Variants in NRG1 observed in about 807,000 individuals in gnomAD.
NRG1 encodes pro-neuregulin-1, membrane-bound isoform.
NRG1 carries 18 observed loss-of-function variants against 63.8 expected under a neutral mutation model. The observed-to-expected ratio is 0.28, with a 90% CI of 0.19 to 0.42. The LOEUF (loss-of-function observed/expected upper bound fraction) is 0.42, where lower values mean the gene tolerates loss of function less well. Ranked by LOEUF, NRG1 falls within the 10% of genes least tolerant of loss-of-function variation. NRG1 has a pLI of 1.00. For missense variants in NRG1, 762 were observed against 814.7 expected, an observed-to-expected ratio of 0.94 and a Z score of 0.79; for synonymous variants, 302 against 301.3, an observed-to-expected ratio of 1.00 and a Z score of -0.02.
intron 1 of NRG1, among the ~76,000 whole-genome samples, chr8:31,672,909 G>A (rs139138842): frequency 6.7e-6 from 1 of 148,422 alleles, no homozygotes; most frequent in Non-Finnish European, 1.5e-5. Context: ...ACATTCCTTT[G>A]TGTCATAAAT....
At chr8:32,523,248 C>T (rs182323415) in intron 1 of NRG1, among the ~76,000 whole-genome samples, 1 of 152,226 alleles carries the variant, frequency 6.6e-6, no homozygotes, top group East Asian at 1.9e-4. Flanking sequence ...TGTACTTCAA[C>T]CAAAACAACA....
Position 31,981,938 on chromosome 8 carries a change from A to G in NRG1, c.37+342507A>G, listed in dbSNP as rs185244904. 2.0e-4 allele frequency among the ~76,000 whole-genome samples: 31 copies of G among 152,152 alleles called. No homozygotes were observed. In the East Asian group the frequency reaches 5.6e-3, roughly 28 times the overall value. ...GATATTTAAATAATGTACAGGAGTC[A>G]TCTAATCAAAATGGTAGAGGTGGTG... On this transcript the variant is annotated intron_variant, in intron 1 of 10. Transcript: ENST00000519301.
chr8:31,752,005 G>A (rs1324096662), intron 1 of NRG1, among the ~76,000 whole-genome samples: 1 of 151,958 alleles, frequency 6.6e-6, no homozygotes, highest in Non-Finnish European at 1.5e-5. Flanking sequence ...TCATGTAAAA[G>A]AAATGTGAAA....
intron 1 of NRG1, among the ~76,000 whole-genome samples, chr8:31,912,431 C>T (rs1407920608): frequency 6.6e-6 from 1 of 151,876 alleles, no homozygotes; most frequent in African/African-American, 2.4e-5. Context: ...AGCAGCTGCT[C>T]TCAGGGTAAA....
intron 1 of NRG1, among the ~76,000 whole-genome samples, chr8:32,398,410 ATT>A (rs59321367): frequency 0.021 from 3,052 of 142,168 alleles, 68 homozygotes; most frequent in African/African-American, 0.057. Context: ...TTCCACCCAA[ATT>A]TTTTTTTTTT....
chr8:32,082,449 A>G (rs1827610702), intron 1 of NRG1, among the ~76,000 whole-genome samples: 1 of 151,970 alleles, frequency 6.6e-6, no homozygotes, highest in Non-Finnish European at 1.5e-5. Flanking sequence ...GCTCCCGCTT[A>G]TTAGTGAGAA....
At chr8:32,373,296 C>T (rs1402032865) in intron 1 of NRG1, among the ~76,000 whole-genome samples, 1 of 152,146 alleles carries the variant, frequency 6.6e-6, no homozygotes, top group Non-Finnish European at 1.5e-5. Context: ...ATTTTCACCT[C>T]CTGATTTTGA....
chr8:31,991,217 C>A (rs897843346), intron 1 of NRG1, among the ~76,000 whole-genome samples: 2 of 151,738 alleles, frequency 1.3e-5, no homozygotes, highest in Non-Finnish European at 2.9e-5. Flanking sequence ...AAACAAAGTC[C>A]CCCTCCTACC....
intron 1 of NRG1, among the ~76,000 whole-genome samples, chr8:32,021,353 T>G (rs985435714): frequency 3.3e-5 from 5 of 152,154 alleles, no homozygotes; most frequent in African/African-American, 9.6e-5. Flanking sequence ...CAGACATGTG[T>G]GAAGAGGGGA....
At chr8:32,079,148 TACACACAC>T (rs143380574) in intron 1 of NRG1, among the ~76,000 whole-genome samples, 53 of 145,856 alleles carry the variant, frequency 3.6e-4, no homozygotes, top group African/African-American at 6.6e-4. Flanking sequence ...TAGAATGAAA[TACACACAC>T]ACACACACAC....
At chr8:32,201,725 C>T (rs1314081162) in intron 1 of NRG1, among the ~76,000 whole-genome samples, 1 of 152,168 alleles carries the variant, frequency 6.6e-6, no homozygotes, top group African/African-American at 2.4e-5. Flanking sequence ...ATCCCCATTT[C>T]TCCTACTTTA....
chr8:31,822,489 G>A (rs541104768), intron 1 of NRG1, among the ~76,000 whole-genome samples: 1 of 152,236 alleles, frequency 6.6e-6, no homozygotes, highest in South Asian at 2.1e-4. Flanking sequence ...GGCCAAACCT[G>A]ATGCCTATAG....
At chr8:31,657,116 A>G (rs758625053) in intron 1 of NRG1, among the ~76,000 whole-genome samples, 8 of 152,224 alleles carry the variant, frequency 5.3e-5, no homozygotes, top group Non-Finnish European at 1.0e-4. Context: ...TATTATTTGC[A>G]TAGGGAATTT....
chr8:32,367,707 T>G (rs186508431), intron 1 of NRG1, among the ~76,000 whole-genome samples: 3 of 152,108 alleles, frequency 2.0e-5, no homozygotes, highest in Non-Finnish European at 4.4e-5. Flanking sequence ...TCTAGTTTTG[T>G]TTTTTGTTGC....
intron 1 of NRG1, among the ~76,000 whole-genome samples, chr8:32,234,579 A>G (rs2129469259): frequency 6.6e-6 from 1 of 152,322 alleles, no homozygotes; most frequent in East Asian, 1.9e-4. Flanking sequence ...ATTTAATTGA[A>G]CAAGATTTTG....
At chr8:32,541,124 G>A (rs1311662188) in intron 1 of NRG1, among the ~76,000 whole-genome samples, 2 of 152,228 alleles carry the variant, frequency 1.3e-5, no homozygotes, top group East Asian at 3.9e-4. Flanking sequence ...AGAAACTTGA[G>A]TTCTAGGCCC....
At chr8:32,555,503 A>G (rs4733131) in intron 1 of NRG1, among the ~76,000 whole-genome samples, 59,529 of 151,876 alleles carry the variant, frequency 0.39, 12,712 homozygotes, top group Admixed American at 0.49. Flanking sequence ...ACGGAGTCTC[A>G]CTGTGTCACC....
At chr8:31,978,507 G>C (rs1298607234) in intron 1 of NRG1, among the ~76,000 whole-genome samples, 1 of 151,986 alleles carries the variant, frequency 6.6e-6, no homozygotes. Flanking sequence ...CTATTTTCAT[G>C]TCTTTCTACT....
At chr8:32,655,677 A>G (rs543693968) in intron 5 of NRG1, among the ~76,000 whole-genome samples, 20 of 152,146 alleles carry the variant, frequency 1.3e-4, no homozygotes, top group Non-Finnish European at 2.5e-4. Context: ...TTTCCCTTAT[A>G]CAAATTGGTT....
Sources: gnomAD v4.1 joint callset for allele counts (sites outside exome capture counted in the v4.1 genomes callset) on GRCh38, gnomAD v4.1.1 for gene constraint, MANE v1.5 for transcripts, NCBI Gene and HGNC (gene_info 2026-07-23, HGNC 2026-07-21) for gene names.